The following PLPP4 variants were observed in gnomAD, a reference collection of about 807,000 sequenced individuals.
PLPP4 encodes phospholipid phosphatase 4.
Under a neutral mutation model 32.2 loss-of-function variants are expected in PLPP4, and 20 were observed. That is an observed-to-expected ratio of 0.62 (90% CI 0.44 to 0.90). PLPP4 has a LOEUF of 0.90. Among genes scored for constraint, PLPP4 ranks in the 40% least tolerant of loss-of-function variants. The pLI, the probability that PLPP4 is intolerant of heterozygous loss-of-function variation, is 0.00. For missense variants in PLPP4, 257 were observed against 353.1 expected (o/e 0.73, Z 2.18); for synonymous variants, 127 against 133.0 (o/e 0.95, Z 0.31).
intron 5 of PLPP4, among the ~76,000 whole-genome samples, chr10:120,558,380 C>T (rs1460721605): frequency 6.7e-6 from 1 of 150,330 alleles, no homozygotes; most frequent in Non-Finnish European, 1.5e-5. Context: ...ATGTATGTAG[C>T]AGGAGTTTAT....
At chr10:120,585,423 T>G (rs12776072) in intron 6 of PLPP4, among the ~76,000 whole-genome samples, 48,185 of 152,054 alleles carry the variant, frequency 0.32, 7,717 homozygotes, top group African/African-American at 0.33. Flanking sequence ...TCTGTAAGCT[T>G]CTGAGTTGCT....
chr10:120,485,545 T>G lies in PLPP4; in HGVS notation c.57-18273T>G, dbSNP rs539200890. ...GGCTTAACTCACACCAAATAGCACC[T>G]CCTTCAGAAGGGGAATTCCTGTTAA... is the stretch of plus-strand genomic sequence containing the variant. On this transcript the variant is annotated intron_variant, in intron 1 of 6. Transcript: ENST00000398250. Among the ~76,000 whole-genome samples the G allele has an allele frequency of 2.6e-5, 4 of 152,274 alleles. No individual in the cohort carries two copies. The South Asian group carries it at 8.3e-4, about 32-fold the overall frequency.
chr10:120,543,751 C>T (rs536479720), intron 5 of PLPP4, among the ~76,000 whole-genome samples: 2 of 152,298 alleles, frequency 1.3e-5, no homozygotes, highest in African/African-American at 4.8e-5. Flanking sequence ...ACTCTGTACC[C>T]GTTAAACACT....
At chr10:120,502,245 T>G (rs1389259765) in intron 1 of PLPP4, among the ~76,000 whole-genome samples, 1 of 152,108 alleles carries the variant, frequency 6.6e-6, no homozygotes, top group Non-Finnish European at 1.5e-5. Context: ...GGGGGCCCAG[T>G]GCTGAGCAGA....
intron 5 of PLPP4, among the ~76,000 whole-genome samples, chr10:120,559,675 A>G (rs1418384937): frequency 6.6e-6 from 1 of 152,166 alleles, no homozygotes; most frequent in African/African-American, 2.4e-5. Context: ...AAAATTTGAA[A>G]AAACTCATAG....
At chr10:120,558,823 G>T (rs1278975011) in intron 5 of PLPP4, among the ~76,000 whole-genome samples, 1 of 152,136 alleles carries the variant, frequency 6.6e-6, no homozygotes, top group Non-Finnish European at 1.5e-5. Flanking sequence ...TCTCTAGTAT[G>T]GACCTATTAT....
At chr10:120,470,767 T>TC (rs1848482959) in intron 1 of PLPP4, among the ~76,000 whole-genome samples, 1 of 149,170 alleles carries the variant, frequency 6.7e-6, no homozygotes, top group African/African-American at 2.5e-5. Context: ...AGGGAAAATT[T>TC]GCCCCCCCGT....
chr10:120,530,252 A>G (rs1054952012), intron 5 of PLPP4, among the ~76,000 whole-genome samples: 15 of 152,238 alleles, frequency 9.9e-5, no homozygotes, highest in African/African-American at 3.1e-4. Context: ...GAATATTTCC[A>G]TAACACCGAA....
chr10:120,492,799 T>C (rs1025173713), intron 1 of PLPP4, among the ~76,000 whole-genome samples: 3 of 152,184 alleles, frequency 2.0e-5, no homozygotes, highest in African/African-American at 7.2e-5. Context: ...TCCTGAAAAA[T>C]TCCAAATATT....
At chr10:120,481,559 T>C (rs1486609953) in intron 1 of PLPP4, among the ~76,000 whole-genome samples, 1 of 152,210 alleles carries the variant, frequency 6.6e-6, no homozygotes, top group Non-Finnish European at 1.5e-5. Flanking sequence ...CAGCTAACTC[T>C]TCCTGGAAGT....
At chr10:120,469,377 G>A (rs1348790838) in intron 1 of PLPP4, among the ~76,000 whole-genome samples, 3 of 151,974 alleles carry the variant, frequency 2.0e-5, no homozygotes, top group African/African-American at 4.8e-5. Context: ...ACAGGCGCCC[G>A]CCACCATGCC....
intron 1 of PLPP4, among the ~76,000 whole-genome samples, chr10:120,489,845 G>A (rs1844631830): frequency 6.6e-6 from 1 of 152,186 alleles, no homozygotes; most frequent in South Asian, 2.1e-4. Flanking sequence ...ATTCCAGGTG[G>A]CAGAGGCTTG....
At chr10:120,586,816 A>C (rs1245283918) in intron 6 of PLPP4, among the ~76,000 whole-genome samples, 2 of 152,098 alleles carry the variant, frequency 1.3e-5, no homozygotes, top group African/African-American at 4.8e-5. Flanking sequence ...TTGCACAGGG[A>C]GTGGGGAGGG....
chr10:120,585,515 CA>C (rs1212682075), intron 6 of PLPP4, among the ~76,000 whole-genome samples: 7 of 152,186 alleles, frequency 4.6e-5, no homozygotes, highest in Non-Finnish European at 1.0e-4. Flanking sequence ...AAAAGGATAA[CA>C]AGGATGGATA....
chr10:120,555,491 G>A (rs1266393915), intron 5 of PLPP4, among the ~76,000 whole-genome samples: 1 of 152,182 alleles, frequency 6.6e-6, no homozygotes, highest in Non-Finnish European at 1.5e-5. Context: ...GGTCTCTGAA[G>A]AGGTCAGCAT....
chr10:120,481,352 C>A (rs1261337266), intron 1 of PLPP4, among the ~76,000 whole-genome samples: 1 of 152,102 alleles, frequency 6.6e-6, no homozygotes, highest in Non-Finnish European at 1.5e-5. Context: ...TTCAGGGCAG[C>A]CCAGGGGACA....
At chr10:120,514,865 T>C (rs1436631820) in intron 3 of PLPP4, among the ~76,000 whole-genome samples, 1 of 152,160 alleles carries the variant, frequency 6.6e-6, no homozygotes, top group Admixed American at 6.5e-5. Context: ...TTTGGTGTGT[T>C]ATATGGACTT....
intron 5 of PLPP4, among the ~76,000 whole-genome samples, chr10:120,543,255 C>T (rs570618246): frequency 2.0e-5 from 3 of 152,302 alleles, no homozygotes; most frequent in African/African-American, 7.2e-5. Flanking sequence ...GTCCTTCCTC[C>T]TCAAGCTGGC....
At chr10:120,470,931 A>G (rs992598357) in intron 1 of PLPP4, among the ~76,000 whole-genome samples, 3 of 152,138 alleles carry the variant, frequency 2.0e-5, no homozygotes, top group African/African-American at 7.2e-5. Context: ...CTAACCTTTA[A>G]GCCAGATAAT....
Sources: allele counts gnomAD v4.1 joint callset (sites outside exome capture counted in the v4.1 genomes callset), GRCh38; gene constraint gnomAD v4.1.1; transcripts MANE v1.5; gene names NCBI Gene and HGNC (gene_info 2026-07-23, HGNC 2026-07-21).